Variants in CCSER1 observed in about 807,000 individuals in gnomAD.
CCSER1 encodes the protein coiled-coil serine rich protein 1.
A neutral mutation model predicts 82.0 loss-of-function variants in CCSER1; 41 were observed. The observed-to-expected ratio is 0.50, with a 90% CI of 0.39 to 0.65. The LOEUF (loss-of-function observed/expected upper bound fraction) is 0.65, where lower values mean the gene tolerates loss of function less well. Among genes scored for constraint, CCSER1 ranks in the 30% least tolerant of loss-of-function variants. The pLI, the probability that CCSER1 is intolerant of heterozygous loss-of-function variation, is 0.00. For missense variants in CCSER1, 1,119 were observed against 1,064.2 expected (o/e 1.05, Z -0.72); for synonymous variants, 414 against 383.9 (o/e 1.08, Z -0.92).
chr4:90,481,966 C>T (rs1045070716), intron 5 of CCSER1, among the ~76,000 whole-genome samples: 1 of 152,138 alleles, frequency 6.6e-6, no homozygotes, highest in Non-Finnish European at 1.5e-5. Flanking sequence ...CTCCTTGTAC[C>T]TCTGGTAGAA....
At chr4:90,552,307 T>A (rs1777615995) in intron 5 of CCSER1, among the ~76,000 whole-genome samples, 1 of 152,154 alleles carries the variant, frequency 6.6e-6, no homozygotes, top group Admixed American at 6.5e-5. Flanking sequence ...TTTTTATGGT[T>A]AAACTAATGT....
intron 10 of CCSER1, among the ~76,000 whole-genome samples, chr4:91,125,688 T>A (rs2148898693): frequency 6.6e-6 from 1 of 151,832 alleles, no homozygotes; most frequent in South Asian, 2.1e-4. Context: ...AAAATAGGCC[T>A]ATTTTATTTC....
intron 10 of CCSER1, among the ~76,000 whole-genome samples, chr4:91,477,481 T>A (rs1757658937): frequency 6.6e-6 from 1 of 151,522 alleles, no homozygotes; most frequent in South Asian, 2.1e-4. Flanking sequence ...TAGCTCCAAT[T>A]TTTTTTATTA....
chr4:90,578,316 C>T (rs1780999584), intron 5 of CCSER1, among the ~76,000 whole-genome samples: 1 of 152,102 alleles, frequency 6.6e-6, no homozygotes, highest in Non-Finnish European at 1.5e-5. Flanking sequence ...GACCACTTTT[C>T]TTTCTGCAAG....
At chr4:90,444,768 A>G (rs1424094463) in intron 4 of CCSER1, among the ~76,000 whole-genome samples, 1 of 151,952 alleles carries the variant, frequency 6.6e-6, no homozygotes, top group Admixed American at 6.6e-5. Context: ...TTTTATGTAC[A>G]TATAGTATTT....
At chr4:91,471,986 A>G (rs1041736950) in intron 10 of CCSER1, among the ~76,000 whole-genome samples, 1 of 136,008 alleles carries the variant, frequency 7.4e-6, no homozygotes. Context: ...AAAAAAAAAA[A>G]GAAAAAAAAG....
At chr4:90,870,692 G>C (rs1766360439) in intron 8 of CCSER1, among the ~76,000 whole-genome samples, 2 of 151,614 alleles carry the variant, frequency 1.3e-5, no homozygotes, top group East Asian at 2.0e-4. Context: ...GGTAATACTA[G>C]CTTCACTGAA....
chr4:90,498,949 A>G (rs1769419077), intron 5 of CCSER1, among the ~76,000 whole-genome samples: 1 of 152,128 alleles, frequency 6.6e-6, no homozygotes, highest in Non-Finnish European at 1.5e-5. Flanking sequence ...AGACTTTTTA[A>G]AACTCCACTT....
chr4:90,597,692 G>A (rs891038277), intron 5 of CCSER1, among the ~76,000 whole-genome samples: 23 of 151,890 alleles, frequency 1.5e-4, no homozygotes, highest in East Asian at 7.7e-4. Flanking sequence ...CTTATTTAAC[G>A]AAAATTCCTA....
At chr4:90,623,023 A>ATTTTTT (rs35838784) in intron 5 of CCSER1, among the ~76,000 whole-genome samples, 3 of 112,620 alleles carry the variant, frequency 2.7e-5, no homozygotes, top group Non-Finnish European at 5.4e-5. Flanking sequence ...TGGGTAAAGG[A>ATTTTTT]TTTTTTTTTT....
At chr4:91,031,353 G>A (rs1228601830) in intron 9 of CCSER1, among the ~76,000 whole-genome samples, 1 of 152,118 alleles carries the variant, frequency 6.6e-6, no homozygotes, top group Non-Finnish European at 1.5e-5. Context: ...CTCCTAAATA[G>A]TACTTTATGA....
At chr4:90,848,791 C>T (rs868734651) in intron 8 of CCSER1, among the ~76,000 whole-genome samples, 2 of 152,116 alleles carry the variant, frequency 1.3e-5, no homozygotes, top group African/African-American at 2.4e-5. Context: ...ATGCTGTTCT[C>T]GTGTTAGTGA....
chr4:90,315,574 G>T (rs534742015), intron 3 of CCSER1, among the ~76,000 whole-genome samples: 1 of 151,754 alleles, frequency 6.6e-6, no homozygotes, highest in Non-Finnish European at 1.5e-5. Context: ...GTGCAGTCTC[G>T]GCTCTCTGCA....
In CCSER1 at chr4:91,603,844, G is replaced by C. The variant is rs1202877131; in HGVS notation, c.*4787G>C. 1 of 151,954 alleles carries C rather than the reference G, an allele frequency of 6.6e-6. No individual in the cohort carries two copies. The highest frequency in any genetic ancestry group is 1.5e-5 in the Non-Finnish European group (1 of 67,966). 9.4% of individuals were successfully genotyped at this position (151,954 alleles called of 1,614,324 possible). A position where few individuals can be genotyped will look rare whatever the true frequency, so the allele number is the denominator to read the frequency against. On this transcript the variant is annotated 3_prime_UTR_variant, in exon 11 of 11. Transcript: ENST00000509176. ...AATTATTGGTGAGGATCTGCTTCCT[G>C]ATTTGCATGTTGGAGAAAGGGCTCT...
At chr4:91,327,257 C>T (rs891156407) in intron 10 of CCSER1, among the ~76,000 whole-genome samples, 5 of 152,220 alleles carry the variant, frequency 3.3e-5, no homozygotes, top group Admixed American at 2.6e-4. Flanking sequence ...TTTCCATAAT[C>T]CTCTGAAATG....
rs988248266 is a variant in CCSER1 at position 91,565,044 on chromosome 4, G to C, written c.2218-33528G>C. Among the ~76,000 whole-genome samples, 488 of 126,220 alleles carry C rather than the reference G, an allele frequency of 3.9e-3. 5 individuals carry two copies. The highest frequency in any genetic ancestry group is 0.013 in the African/African-American group (401 of 31,166). 82.8% of individuals were successfully genotyped at this position (126,220 alleles called of 152,430 possible). A position where few individuals can be genotyped will look rare whatever the true frequency, so the allele number is the denominator to read the frequency against. On this transcript the variant is annotated intron_variant, in intron 10 of 10. Coordinates refer to ENST00000509176, the MANE Select transcript of CCSER1 (RefSeq NM_001145065.2). ...CCTTGAGTTGTGTGTGTGTGTGTGT[G>C]TGTGTGTGTGTGTGTGTGTGTGTGT... is the stretch of plus-strand genomic sequence containing the variant.
rs979078494 is a variant in CCSER1, at chr4:91,238,027, T to C, written c.2217+152033T>C. On this transcript the variant is annotated intron_variant, in intron 10 of 10. Coordinates refer to ENST00000509176, the MANE Select transcript of CCSER1 (RefSeq NM_001145065.2). Reference sequence around the variant, plus strand: ...GAGTCCATTAAAATGAGCAGTGTGCTCTTTTGCATAGTGGGATAGGCAGAG... The same window carrying C: ...GAGTCCATTAAAATGAGCAGTGTGCCCTTTTGCATAGTGGGATAGGCAGAG... Among the ~76,000 whole-genome samples, 2 of 152,182 alleles carry C rather than the reference T, an allele frequency of 1.3e-5. 1 individual carries two copies. The highest frequency in any genetic ancestry group is 1.3e-4 in the Admixed American group (2 of 15,280).
intron 10 of CCSER1, among the ~76,000 whole-genome samples, chr4:91,100,506 C>G (rs1724952740): frequency 6.6e-6 from 1 of 152,078 alleles, no homozygotes; most frequent in African/African-American, 2.4e-5. Flanking sequence ...TCAATGATAT[C>G]CTATGCCAGG....
At chr4:90,580,316 A>G (rs1176690797) in intron 5 of CCSER1, among the ~76,000 whole-genome samples, 1 of 152,128 alleles carries the variant, frequency 6.6e-6, no homozygotes, top group Non-Finnish European at 1.5e-5. Context: ...TTGCCTTTCT[A>G]TACCTTGATT....
Sources: gnomAD v4.1 joint callset for allele counts (sites outside exome capture counted in the v4.1 genomes callset) on GRCh38, gnomAD v4.1.1 for gene constraint, MANE v1.5 for transcripts, NCBI Gene and HGNC (gene_info 2026-07-23, HGNC 2026-07-21) for gene names.